Variants in UBE2E2 observed in about 807,000 individuals in gnomAD.
The protein encoded by UBE2E2 is ubiquitin conjugating enzyme E2 E2.
In UBE2E2, 6 loss-of-function variants were observed where a neutral mutation model predicts 24.7. That is an observed-to-expected ratio of 0.24 (90% confidence interval 0.13 to 0.48). The LOEUF is 0.48. UBE2E2 is among the 20% of genes least tolerant of loss of function. UBE2E2 has a pLI of 0.99. For missense variants in UBE2E2, 169 were observed against 245.0 expected (o/e 0.69, Z 2.07); for synonymous variants, 104 against 83.6 (o/e 1.24, Z -1.33).
At chr3:23,231,739 AC>A (rs1395700386) in intron 3 of UBE2E2, among the ~76,000 whole-genome samples, 2 of 152,096 alleles carry the variant, frequency 1.3e-5, no homozygotes, top group African/African-American at 4.8e-5. Flanking sequence ...GTTCTTGCAA[AC>A]CCCATCTTTG....
At chr3:23,385,869 G>A (rs1366139788) in intron 3 of UBE2E2, among the ~76,000 whole-genome samples, 1 of 152,168 alleles carries the variant, frequency 6.6e-6, no homozygotes. Context: ...ATAGGTAACA[G>A]CTTAGCCTGA....
chr3:23,384,776 C>T (rs578242008), intron 3 of UBE2E2, among the ~76,000 whole-genome samples: 2 of 151,474 alleles, frequency 1.3e-5, no homozygotes, highest in East Asian at 2.0e-4. Context: ...CTCCTGACCT[C>T]GTGATCCGCC....
At chr3:23,298,935 G>T in intron 3 of UBE2E2, among the ~76,000 whole-genome samples, 1 of 152,114 alleles carries the variant, frequency 6.6e-6, no homozygotes, top group Admixed American at 6.6e-5. Flanking sequence ...TTTCTGGTTG[G>T]TAAGCTATTA....
At chr3:23,588,244 T>C (rs1247168303) in intron 5 of UBE2E2, among the ~76,000 whole-genome samples, 1 of 152,176 alleles carries the variant, frequency 6.6e-6, no homozygotes, top group Non-Finnish European at 1.5e-5. Context: ...CCTCCTTACC[T>C]GACTGCTCTA....
At chr3:23,247,668 C>T (rs936061930) in intron 3 of UBE2E2, among the ~76,000 whole-genome samples, 1 of 152,080 alleles carries the variant, frequency 6.6e-6, no homozygotes, top group African/African-American at 2.4e-5. Flanking sequence ...AGTATTTGGA[C>T]CTAAACAGGC....
intron 3 of UBE2E2, among the ~76,000 whole-genome samples, chr3:23,477,797 CAT>C (rs1434935285): frequency 2.0e-5 from 3 of 152,244 alleles, no homozygotes; most frequent in East Asian, 1.9e-4. Context: ...ATAATCGACA[CAT>C]GTCATGGGAG....
At chr3:23,511,087 A>G (rs1694584417) in intron 4 of UBE2E2, among the ~76,000 whole-genome samples, 1 of 152,238 alleles carries the variant, frequency 6.6e-6, no homozygotes, top group South Asian at 2.1e-4. Context: ...CATAGAATTT[A>G]CATTCAAGGT....
At chr3:23,429,429 A>G (rs9883870) in intron 3 of UBE2E2, among the ~76,000 whole-genome samples, 28,327 of 152,116 alleles carry the variant, frequency 0.19, 3,334 homozygotes, top group African/African-American at 0.32. Context: ...AGAAACAACT[A>G]TACACCATGA....
At chr3:23,319,223 A>G (rs138720918) in intron 3 of UBE2E2, among the ~76,000 whole-genome samples, 2,196 of 152,350 alleles carry the variant, frequency 0.014, 54 homozygotes, top group African/African-American at 0.05. Flanking sequence ...TAAAATAAAC[A>G]GGAAGGAATT....
chr3:23,326,522 A>G (rs943934745), intron 3 of UBE2E2, among the ~76,000 whole-genome samples: 1 of 152,250 alleles, frequency 6.6e-6, no homozygotes, highest in Non-Finnish European at 1.5e-5. Context: ...TTAGATTAAA[A>G]GAAACATTTA....
chr3:23,234,200 C>CT (rs71051204), intron 3 of UBE2E2, among the ~76,000 whole-genome samples: 15,734 of 144,014 alleles, frequency 0.11, 927 homozygotes, highest in East Asian at 0.13. Context: ...TCTCTGTGCC[C>CT]TTTTTTTTTT....
intron 3 of UBE2E2, among the ~76,000 whole-genome samples, chr3:23,479,057 G>T (rs1300460417): frequency 6.6e-6 from 1 of 152,118 alleles, no homozygotes; most frequent in South Asian, 2.1e-4. Flanking sequence ...TCCTTCAGGT[G>T]TTGCTTTTCT....
chr3:23,560,141 A>G (rs1413205473), intron 5 of UBE2E2, among the ~76,000 whole-genome samples: 1 of 152,008 alleles, frequency 6.6e-6, no homozygotes, highest in African/African-American at 2.4e-5. Context: ...TACATGTGCC[A>G]TGTTGGTGTG....
At chr3:23,506,614 G>A (rs1410607569) in intron 4 of UBE2E2, among the ~76,000 whole-genome samples, 6 of 152,030 alleles carry the variant, frequency 3.9e-5, no homozygotes, top group African/African-American at 1.5e-4. Flanking sequence ...TGGTCTTCCT[G>A]GTTCCACCCT....
At chr3:23,292,025 A>AT (rs1487444330) in intron 3 of UBE2E2, among the ~76,000 whole-genome samples, 2 of 151,734 alleles carry the variant, frequency 1.3e-5, no homozygotes, top group Admixed American at 1.3e-4. Context: ...CACCCGGCTA[A>AT]TTTTTTGTAT....
intron 3 of UBE2E2, among the ~76,000 whole-genome samples, chr3:23,359,222 A>G (rs1399562900): frequency 6.6e-6 from 1 of 152,034 alleles, no homozygotes; most frequent in African/African-American, 2.4e-5. Flanking sequence ...CCCTACTCTA[A>G]TGATGTTGCT....
intron 3 of UBE2E2, among the ~76,000 whole-genome samples, chr3:23,279,530 T>G (rs1247590416): frequency 1.3e-5 from 2 of 152,222 alleles, no homozygotes; most frequent in African/African-American, 4.8e-5. Context: ...GGGTGGGGTT[T>G]TAACATTAAA....
chr3:23,349,352 A>G (rs1265989896), intron 3 of UBE2E2, among the ~76,000 whole-genome samples: 1 of 152,224 alleles, frequency 6.6e-6, no homozygotes, highest in East Asian at 1.9e-4. Context: ...TACTGGGTTC[A>G]TCTCACTAGG....
chr3:23,211,798 T>C (rs1429083171), intron 2 of UBE2E2, among the ~76,000 whole-genome samples: 2 of 152,176 alleles, frequency 1.3e-5, no homozygotes, highest in African/African-American at 4.8e-5. Context: ...TTGTGAGGAC[T>C]AAATGTGATA....
Sources: gnomAD v4.1 joint callset for allele counts (sites outside exome capture counted in the v4.1 genomes callset) on GRCh38, gnomAD v4.1.1 for gene constraint, MANE v1.5 for transcripts, NCBI Gene and HGNC (gene_info 2026-07-23, HGNC 2026-07-21) for gene names.